Variants in ZNF655 observed in about 807,000 individuals in gnomAD.
ZNF655 encodes zinc finger protein 655, also known as Vav-interacting Kruppel-like protein 1.
A neutral mutation model predicts 6.6 loss-of-function variants in ZNF655; 3 were observed. The observed-to-expected ratio is 0.46, with a 90% confidence interval of 0.21 to 1.18. ZNF655 has a LOEUF of 1.18. ZNF655 is among the 50% of genes most tolerant of loss of function. The probability of loss-of-function intolerance (pLI) is 0.24; values close to 1 mark genes in which losing one functional copy is unlikely to be tolerated. For synonymous variants in ZNF655, 178 were observed against 195.0 expected (o/e 0.91, Z 0.73); for missense variants, 526 against 572.3 (o/e 0.92, Z 0.83).
At position 99,573,113 on chromosome 7, in the gene ZNF655, T is replaced by C; in HGVS notation, c.1005T>C (p.Cys335=). Residue 335 remains cysteine (C), a synonymous_variant, in exon 3 of 3, where the codon TGT becomes TGC. Transcript: ENST00000252713. ...HKEMPCKCTV[C]GSDFCHTSYL... ...AGATGCCCTGTAAGTGTACTGTATG[T>C]GGCAGTGACTTCTGCCATACTTCAT... 6.2e-7 allele frequency: 1 copy of C among 1,614,168 alleles called. No homozygotes were observed. Among genetic ancestry groups the C allele is most frequent in the South Asian group, 1.1e-5 (1 of 91,084 alleles).
chr7:99,572,898 A>G lies in ZNF655; in HGVS notation c.790A>G (p.Arg264Gly), dbSNP rs866205598. The change falls in exon 3 of 3, where the codon AGA becomes GGA. Residue 264 changes from arginine to glycine, a missense_variant. By Grantham distance (125) the Arg-to-Gly change is moderately radical. Transcript: ENST00000252713. ...SLSRHKRIHT[R>G]EKPYKCEASD... ...TAGTCGACATAAAAGAATACACACT[A>G]GAGAAAAACCTTACAAATGTGAAGC... 3 of 1,614,032 alleles carry G rather than the reference A, an allele frequency of 1.9e-6. No individual in the cohort carries two copies. In the African/African-American group the frequency reaches 4.0e-5, roughly 22 times the overall value.
chr7:99,565,493 A>T (rs756723981), intron 2 of ZNF655, among the ~76,000 whole-genome samples: 2 of 152,224 alleles, frequency 1.3e-5, no homozygotes, highest in Non-Finnish European at 2.9e-5. Flanking sequence ...TGTCACAGAC[A>T]TTAGAACGTT....
At chr7:99,562,235 C>T in intron 2 of ZNF655, 1 of 1,146,024 alleles carries the variant, frequency 8.7e-7, no homozygotes, top group Non-Finnish European at 1.2e-6. Flanking sequence ...GGGCTTTATT[C>T]CGTAGGTTCT....
chr7:99,573,742 C>G lies in ZNF655; in HGVS notation c.*158C>G. On this transcript the variant is annotated 3_prime_UTR_variant, in exon 3 of 3. Transcript: ENST00000252713. ...CAGATAATTCACACCAGAGAGAAAC[C>G]CTCTGAATGTGACGAATGAAGAAAA... 1.2e-6 allele frequency: 1 copy of G among 821,686 alleles called. No individual in the cohort carries two copies. The highest frequency in any genetic ancestry group is 2.6e-5 in the East Asian group (1 of 38,000). 50.9% of individuals were successfully genotyped at this position (821,686 alleles called of 1,614,324 possible).
rs1804262621 is a variant in ZNF655 at position 99,574,032 on chromosome 7, C to G, written c.*448C>G. The G allele has an allele frequency of 1.8e-5, 3 of 163,610 alleles. No individual in the cohort carries two copies. In the South Asian group the frequency reaches 5.0e-4, roughly 27 times the overall value. The allele number at this position is 163,610 out of a possible 1,614,324, so 10.1% of individuals were successfully genotyped here. On this transcript the variant is annotated 3_prime_UTR_variant, in exon 3 of 3. Transcript: ENST00000252713. ...AAGCATGTATGTGTGTGAGGAGATT[C>G]AGTCATAACCCAACGCTCATTCAAC...
chr7:99,562,552 T>G, intron 2 of ZNF655: 1 of 1,568,214 alleles, frequency 6.4e-7, no homozygotes, highest in Non-Finnish European at 8.7e-7. Context: ...TTCTTGTTTC[T>G]TCCTAAGTAT....
intron 1 of ZNF655, among the ~76,000 whole-genome samples, chr7:99,560,085 T>C (rs962604206): frequency 6.7e-6 from 1 of 150,012 alleles, no homozygotes; most frequent in Admixed American, 6.7e-5. Context: ...TTTTCTTTTT[T>C]TTCTTTTTTT....
rs1314101186 is a variant in ZNF655, at chr7:99,573,403, AAG to A, written c.1299_1300del (p.Lys434IlefsTer3). 17 of 1,614,046 alleles carry A rather than the reference AAG, an allele frequency of 1.1e-5. No individual in the cohort carries two copies. Among genetic ancestry groups the A allele is most frequent in the Middle Eastern group, 3.3e-4 (2 of 6,084 alleles). ...ATTCAGCATCACAAAATGCATAGGAAAGAGAAATCGTATGAATGTAATGAGTA... is the reference window on the plus strand; with the variant it reads ...ATTCAGCATCACAAAATGCATAGGAAAGAAATCGTATGAATGTAATGAGTA... On this transcript the variant is annotated frameshift_variant, in exon 3 of 3. Coordinates refer to ENST00000252713, the MANE Select transcript of ZNF655 (RefSeq NM_138494.3). LOFTEE classifies it low-confidence loss of function (END_TRUNC).
intron 2 of ZNF655, chr7:99,561,737 TAG>T: frequency 2.4e-6 from 1 of 420,334 alleles, no homozygotes; most frequent in South Asian, 9.0e-5. Context: ...CGAAGCAGAG[TAG>T]ACACACCCAA....
At chr7:99,564,757 A>C in intron 2 of ZNF655, 3 of 968,940 alleles carry the variant, frequency 3.1e-6, no homozygotes, top group Non-Finnish European at 3.7e-6. Flanking sequence ...ATGCAGTCTA[A>C]TAGCATAGTA....
intron 2 of ZNF655, among the ~76,000 whole-genome samples, chr7:99,562,930 C>T (rs182112204): frequency 8.7e-4 from 132 of 152,190 alleles, no homozygotes; most frequent in African/African-American, 2.9e-3. Flanking sequence ...AAAAGAAATG[C>T]CGTTTATTTA....
intron 2 of ZNF655, among the ~76,000 whole-genome samples, chr7:99,566,041 G>GTGTGTGTGTGTA (rs59166250): frequency 3.1e-4 from 46 of 149,994 alleles, no homozygotes; most frequent in African/African-American, 9.6e-4. Context: ...GTGTGTGTGT[G>GTGTGTGTGTGTA]TATATATATA....
chr7:99,573,618 C>G lies in ZNF655; in HGVS notation c.*34C>G. On this transcript the variant is annotated 3_prime_UTR_variant, in exon 3 of 3. Transcript: ENST00000252713. ...AAGATGGGAAGATATTTATCAAATT[C>G]AGGCTTCATTCAGCATCTGAGAGTT... 1 of 1,573,636 alleles carries G rather than the reference C, an allele frequency of 6.4e-7. No individual in the cohort carries two copies. Among genetic ancestry groups the G allele is most frequent in the Non-Finnish European group, 8.6e-7 (1 of 1,166,788 alleles).
intron 2 of ZNF655, 67 bp from the exon 3 acceptor site, chr7:99,572,178 T>A (rs1191516156): frequency 4.1e-6 from 6 of 1,473,580 alleles, no homozygotes; most frequent in Non-Finnish European, 9.0e-7. Flanking sequence ...TTTTCTCATC[T>A]GAGTTTTCTT....
intron 2 of ZNF655, among the ~76,000 whole-genome samples, chr7:99,566,041 G>GTGTGTGTGTGTGTATA (rs59166250): frequency 2.0e-5 from 3 of 149,898 alleles, no homozygotes; most frequent in Admixed American, 6.7e-5. Context: ...GTGTGTGTGT[G>GTGTGTGTGTGTGTATA]TATATATATA....
In ZNF655 at chr7:99,575,820, T is replaced by G. The variant is rs1373010590; in HGVS notation, c.*2236T>G. ...TTATCCATTACCACATTTTTGTATT[T>G]TAATAGTCTACAGGCTATATAAAAG... On this transcript the variant is annotated 3_prime_UTR_variant, in exon 3 of 3. Transcript: ENST00000252713. 1 of 152,220 alleles carries G rather than the reference T, an allele frequency of 6.6e-6. No homozygotes were observed. The highest frequency in any genetic ancestry group is 1.9e-4 in the East Asian group (1 of 5,202). The allele number at this position is 152,220 out of a possible 1,614,324, so 9.4% of individuals were successfully genotyped here. A position where few individuals can be genotyped will look rare whatever the true frequency, so the allele number is the denominator to read the frequency against.
chr7:99,560,756 G>A, intron 2 of ZNF655, 61 bp downstream of exon 2: 1 of 1,585,078 alleles, frequency 6.3e-7, no homozygotes, highest in East Asian at 2.3e-5. Flanking sequence ...TCCCGAGGGG[G>A]CTCCTGGGCC....
At chr7:99,571,909 G>T in intron 2 of ZNF655, 1 of 670,964 alleles carries the variant, frequency 1.5e-6, no homozygotes, top group Non-Finnish European at 2.4e-6. Flanking sequence ...AGCATGGAGA[G>T]TTCCTTCCTT....
chr7:99,559,866 G>A (rs1396182235), intron 1 of ZNF655, among the ~76,000 whole-genome samples: 1 of 150,678 alleles, frequency 6.6e-6, no homozygotes, highest in African/African-American at 2.4e-5. Context: ...GAGCTTAAGG[G>A]ATCCACCCGT....
Sources: gnomAD v4.1 joint callset for allele counts (sites outside exome capture counted in the v4.1 genomes callset) on GRCh38, gnomAD v4.1.1 for gene constraint, MANE v1.5 for transcripts, NCBI Gene and HGNC (gene_info 2026-07-23, HGNC 2026-07-21) for gene names.